The following NTN1 variants were observed in gnomAD, a reference collection of about 807,000 sequenced individuals.
NTN1 encodes netrin 1, also known as netrin-1.
Under a neutral mutation model 54.2 loss-of-function variants are expected in NTN1, and 11 were observed. The observed-to-expected ratio is 0.20, with a 90% confidence interval of 0.13 to 0.34. NTN1 has a LOEUF of 0.34. Ranked by LOEUF, NTN1 falls within the 10% of genes least tolerant of loss-of-function variation. NTN1 has a pLI of 1.00. For synonymous variants in NTN1, 371 were observed against 382.0 expected (o/e 0.97, Z 0.33); for missense variants, 740 against 893.1 (o/e 0.83, Z 2.18).
At position 9,223,619 on chromosome 17, in the gene NTN1, C is replaced by T. The variant is rs183448047; in HGVS notation, c.1486+2377C>T. ...CTGCAGGGACTGCATCCTCCCAGCC[C>T]TGGGTCTTCAGTGTCCCCTGGGGAC... On this transcript the variant is annotated intron_variant, in intron 6 of 6. Coordinates refer to ENST00000173229, the MANE Select transcript of NTN1 (RefSeq NM_004822.3). 6.8e-3 allele frequency among the ~76,000 whole-genome samples: 1,041 copies of T among 152,308 alleles called. 11 individuals carry two copies. Among genetic ancestry groups the T allele is most frequent in the African/African-American group, 0.023 (956 of 41,556 alleles).
intron 5 of NTN1, among the ~76,000 whole-genome samples, chr17:9,202,630 G>C (rs1469008558): frequency 6.6e-6 from 1 of 151,856 alleles, no homozygotes; most frequent in Non-Finnish European, 1.5e-5. Flanking sequence ...AGGGTTCCCA[G>C]AAACCTGAGA....
Position 9,162,886 on chromosome 17 carries a change from C to T in NTN1, c.1092C>T (p.Ser364=), listed in dbSNP as rs772486953. The T allele has an allele frequency of 6.8e-6, 11 of 1,614,088 alleles. No homozygotes were observed. Among genetic ancestry groups the T allele is most frequent in the Middle Eastern group, 3.3e-4 (2 of 6,054 alleles). Residue 364 remains serine, a synonymous_variant, in exon 3 of 7, where the codon AGC becomes AGT. Coordinates refer to ENST00000173229, the MANE Select transcript of NTN1 (RefSeq NM_004822.3). ...MELYKLSGRK[S]GGVCLNCRHN... is the part of the protein sequence containing the mutation. ...TCTACAAGCTTTCGGGGCGCAAGAG[C>T]GGAGGTGTCTGCCTCAACTGTCGCC...
intron 2 of NTN1, among the ~76,000 whole-genome samples, chr17:9,098,802 C>A (rs1337516623): frequency 6.6e-6 from 1 of 152,162 alleles, no homozygotes. Context: ...TTGGCCAGGA[C>A]AGCTTTTGTT....
chr17:9,165,056 G>A lies in NTN1; in HGVS notation c.1207+2055G>A, dbSNP rs1182879564. Among the ~76,000 whole-genome samples, 2 of 152,204 alleles carry A rather than the reference G, an allele frequency of 1.3e-5. No individual in the cohort carries two copies. The highest frequency in any genetic ancestry group is 2.1e-4 in the South Asian group (1 of 4,832). ...CAGGGGTCTTGTAAACAGCTGGCTT[G>A]CACATAGATTTCTTGGGAGTTCAGC... On this transcript the variant is annotated intron_variant, in intron 3 of 6. Coordinates refer to ENST00000173229, the MANE Select transcript of NTN1 (RefSeq NM_004822.3). This position sits in a 1 kb window ranked among gnomAD's most constrained non-coding sequence, Gnocchi z 4.5.
chr17:9,130,455 T>A (rs9908464), intron 2 of NTN1, among the ~76,000 whole-genome samples: 5,016 of 152,170 alleles, frequency 0.033, 261 homozygotes, highest in African/African-American at 0.11. Flanking sequence ...AGGCCCCGTG[T>A]CTGTCCTGCA....
intron 2 of NTN1, among the ~76,000 whole-genome samples, chr17:9,107,457 T>C (rs552264303): frequency 9.9e-5 from 15 of 152,272 alleles, no homozygotes; most frequent in Middle Eastern, 3.4e-3. Context: ...AGATTATACA[T>C]TGTTAGAAAG....
At chr17:9,096,722 C>T (rs80077467) in intron 2 of NTN1, among the ~76,000 whole-genome samples, 1 of 152,226 alleles carries the variant, frequency 6.6e-6, no homozygotes, top group East Asian at 1.9e-4. Context: ...TTCTGCCATT[C>T]ATTCTCTTTT....
chr17:9,220,160 C>T (rs1905299311), intron 5 of NTN1, among the ~76,000 whole-genome samples: 1 of 152,232 alleles, frequency 6.6e-6, no homozygotes, highest in Admixed American at 6.5e-5. Flanking sequence ...CTCAGGCCAG[C>T]CTTGGCAGTA....
In NTN1 at chr17:9,022,521, C is replaced by G; in HGVS notation, c.148C>G (p.Arg50Gly). The G allele has an allele frequency of 6.5e-7, 1 of 1,548,908 alleles. No homozygotes were observed. The highest frequency in any genetic ancestry group is 8.7e-7 in the Non-Finnish European group (1 of 1,150,374). Residue 50 changes from arginine (R) to glycine (G), a missense_variant, in exon 2 of 7, where the codon CGC (arginine) becomes GGC (glycine). Coordinates refer to ENST00000173229, the MANE Select transcript of NTN1 (RefSeq NM_004822.3). ...PCSDENGHPR[R>G]CIPDFVNAAF... Reference sequence around the variant, plus strand: ...CTCGGACGAGAACGGCCACCCGCGCCGCTGCATCCCGGACTTTGTCAATGC... The same window carrying G: ...CTCGGACGAGAACGGCCACCCGCGCGGCTGCATCCCGGACTTTGTCAATGC...
intron 6 of NTN1, among the ~76,000 whole-genome samples, chr17:9,228,770 C>G (rs1905684217): frequency 6.6e-6 from 1 of 151,618 alleles, no homozygotes; most frequent in South Asian, 2.1e-4. Flanking sequence ...GGATACAACT[C>G]AAGGAGGATG....
chr17:9,170,253 T>G (rs2092383871), intron 3 of NTN1, among the ~76,000 whole-genome samples: 1 of 152,172 alleles, frequency 6.6e-6, no homozygotes, highest in African/African-American at 2.4e-5. Context: ...GCAGATTAAA[T>G]GAGATGATGT....
At chr17:9,220,790 G>A (rs56127676) in intron 5 of NTN1, among the ~76,000 whole-genome samples, 15,470 of 152,028 alleles carry the variant, frequency 0.1, 875 homozygotes, top group East Asian at 0.24. Flanking sequence ...CCAGGGCGCG[G>A]GGTGACAATG....
intron 5 of NTN1, among the ~76,000 whole-genome samples, chr17:9,192,365 A>G (rs7225607): frequency 0.61 from 93,163 of 152,046 alleles, 28,990 homozygotes; most frequent in Middle Eastern, 0.72. Context: ...ATATAGTGCC[A>G]GGTGACAAAA....
At chr17:9,051,362 C>T (rs939213612) in intron 2 of NTN1, among the ~76,000 whole-genome samples, 1 of 152,186 alleles carries the variant, frequency 6.6e-6, no homozygotes, top group Admixed American at 6.5e-5. Flanking sequence ...GGGATTGCTT[C>T]TGTTGCTGAC....
At chr17:9,118,998 A>G (rs570234050) in intron 2 of NTN1, among the ~76,000 whole-genome samples, 2 of 152,228 alleles carry the variant, frequency 1.3e-5, no homozygotes, top group East Asian at 1.9e-4. Flanking sequence ...TCTCTTGGGT[A>G]TATGCCTAGA....
intron 2 of NTN1, among the ~76,000 whole-genome samples, chr17:9,085,559 A>G (rs1366981581): frequency 1.3e-5 from 2 of 152,224 alleles, no homozygotes; most frequent in Non-Finnish European, 2.9e-5. Flanking sequence ...CTTCTCTGCT[A>G]CTGTGCCTCA....
In NTN1 at chr17:9,092,309, CTTTTCTTCTCTTTTTTT is replaced by C. The variant is rs2092113866; in HGVS notation, c.1018+68923_1018+68939del. On this transcript the variant is annotated intron_variant, in intron 2 of 6. Transcript: ENST00000173229. ...CCATTGTATGGAGAGGCCACATTTT[CTTTTCTTCTCTTTTTTT>C]TTTTTTTTTTTTTTTTGAGACGGGG... is the stretch of plus-strand genomic sequence containing the variant. 1.4e-4 allele frequency among the ~76,000 whole-genome samples: 18 copies of C among 132,518 alleles called. No homozygotes were observed. The Admixed American group carries it at 1.5e-3, about 11-fold the overall frequency. The allele number at this position is 132,518 out of a possible 152,430, so 86.9% of individuals were successfully genotyped here. A position where few individuals can be genotyped will look rare whatever the true frequency, so the allele number is the denominator to read the frequency against.
rs1158849296 is a variant in NTN1, at chr17:9,212,439, T to G, written c.1412-8729T>G. Among the ~76,000 whole-genome samples, 1 of 152,148 alleles carries G rather than the reference T, an allele frequency of 6.6e-6. No individual in the cohort carries two copies. Among genetic ancestry groups the G allele is most frequent in the Non-Finnish European group, 1.5e-5 (1 of 68,016 alleles). ...ATCTGGACTCTCTGGCCGCGGAGAT[T>G]CCATGCAGCTTTCTGGTTCTAGATC... On this transcript the variant is annotated intron_variant, in intron 5 of 6. Transcript: ENST00000173229. The surrounding 1 kb of genome is among the most constrained non-coding windows in gnomAD (Gnocchi z 5.5).
chr17:9,094,199 A>G (rs1047079473), intron 2 of NTN1, among the ~76,000 whole-genome samples: 3 of 152,294 alleles, frequency 2.0e-5, no homozygotes, highest in Admixed American at 6.5e-5. Context: ...TCTTGCTGCA[A>G]CCTAATTTTC....
Sources: gnomAD v4.1 joint callset for allele counts (sites outside exome capture counted in the v4.1 genomes callset) on GRCh38, gnomAD v4.1.1 for gene constraint, Gnocchi (gnomAD v3.1) non-coding constraint, MANE v1.5 for transcripts, NCBI Gene and HGNC (gene_info 2026-07-23, HGNC 2026-07-21) for gene names.